The following NSMCE2 variants were observed in gnomAD, a reference collection of about 807,000 sequenced individuals.
NSMCE2 encodes E3 SUMO-protein ligase NSE2.
NSMCE2 carries 24 observed loss-of-function variants against 23.8 expected under a neutral mutation model. That is an observed-to-expected ratio of 1.01 (90% CI 0.73 to 1.42). The LOEUF (loss-of-function observed/expected upper bound fraction) is 1.42, where lower values mean the gene tolerates loss of function less well. Ranked by LOEUF, NSMCE2 falls within the 40% of genes most tolerant of loss-of-function variation. The pLI is 0.00. For synonymous variants in NSMCE2, 92 were observed against 94.1 expected, an observed-to-expected ratio of 0.98 and a Z score of 0.13; for missense variants, 284 against 296.5, an observed-to-expected ratio of 0.96 and a Z score of 0.31.
At chr8:125,166,836 C>G (rs1821904331) in intron 4 of NSMCE2, among the ~76,000 whole-genome samples, 1 of 152,172 alleles carries the variant, frequency 6.6e-6, no homozygotes. Context: ...CATCTCCATT[C>G]TCCTCCGAAG....
chr8:125,127,721 T>C (rs185871712), intron 3 of NSMCE2, among the ~76,000 whole-genome samples: 2 of 152,252 alleles, frequency 1.3e-5, no homozygotes, highest in African/African-American at 2.4e-5. Context: ...TGAAACTTAA[T>C]AATACAGGTT....
At chr8:125,234,296 T>C (rs1450370832) in intron 5 of NSMCE2, among the ~76,000 whole-genome samples, 1 of 152,210 alleles carries the variant, frequency 6.6e-6, no homozygotes, top group East Asian at 1.9e-4. Flanking sequence ...TGAGAAGAAA[T>C]GAACAAATAC....
At chr8:125,155,675 G>A (rs993993699) in intron 4 of NSMCE2, among the ~76,000 whole-genome samples, 9 of 152,148 alleles carry the variant, frequency 5.9e-5, no homozygotes, top group Non-Finnish European at 2.9e-5. Context: ...TGGTAGTACT[G>A]TGTGTTTCTG....
chr8:125,351,437 A>C (rs1483624899), intron 5 of NSMCE2: 1 of 151,914 alleles, frequency 6.6e-6, no homozygotes. Flanking sequence ...GTTCTTGTGC[A>C]GGCTTCCTGC....
At chr8:125,166,261 T>TTTG (rs1051539375) in intron 4 of NSMCE2, among the ~76,000 whole-genome samples, 12 of 152,162 alleles carry the variant, frequency 7.9e-5, no homozygotes, top group East Asian at 3.9e-4. Context: ...CTAAATAGGT[T>TTTG]TTGTTGTTGT....
At chr8:125,240,130 CTTT>C (rs397687521) in intron 5 of NSMCE2, among the ~76,000 whole-genome samples, 1 of 144,194 alleles carries the variant, frequency 6.9e-6, no homozygotes, top group Non-Finnish European at 1.5e-5. Flanking sequence ...TTTTCTTTTT[CTTT>C]TTTTTTTTTT....
chr8:125,354,734 GA>G (rs1813181864), intron 5 of NSMCE2, among the ~76,000 whole-genome samples: 1 of 152,270 alleles, frequency 6.6e-6, no homozygotes, highest in African/African-American at 2.4e-5. Context: ...GACTCTCTAA[GA>G]AAAACAAAGT....
intron 5 of NSMCE2, among the ~76,000 whole-genome samples, chr8:125,317,189 C>T (rs150077580): frequency 4.0e-4 from 60 of 151,560 alleles, no homozygotes; most frequent in African/African-American, 1.4e-3. Context: ...TCAGTGGTTT[C>T]CTAAAGATCT....
At chr8:125,334,812 TCGCTCTGTCAC>T (rs1434407808) in intron 5 of NSMCE2, among the ~76,000 whole-genome samples, 23 of 122,978 alleles carry the variant, frequency 1.9e-4, no homozygotes, top group Admixed American at 6.4e-4. Flanking sequence ...AGACACAGTC[TCGCTCTGTCAC>T]CCAGGCTGGA....
intron 5 of NSMCE2, among the ~76,000 whole-genome samples, chr8:125,199,403 G>A (rs1823767451): frequency 6.6e-6 from 1 of 152,146 alleles, no homozygotes; most frequent in African/African-American, 2.4e-5. Context: ...TGGTTTCAAA[G>A]AACATCTTTA....
At chr8:125,175,348 G>A (rs1264966065) in intron 4 of NSMCE2, among the ~76,000 whole-genome samples, 1 of 152,148 alleles carries the variant, frequency 6.6e-6, no homozygotes, top group Non-Finnish European at 1.5e-5. Context: ...TAGCATGAAA[G>A]CAGTCCCATA....
At chr8:125,363,850 G>A (rs989520590) in intron 7 of NSMCE2, among the ~76,000 whole-genome samples, 1 of 152,112 alleles carries the variant, frequency 6.6e-6, no homozygotes, top group Non-Finnish European at 1.5e-5. Flanking sequence ...GCATACCTGG[G>A]CCAAATCACC....
At position 125,280,724 on chromosome 8, in the gene NSMCE2, A is replaced by C. The variant is rs151236231; in HGVS notation, c.419-76495A>C. The stretch of plus-strand genomic sequence containing the variant: ...TAGTTCTTTTGTTTGGGTCCCAGAC[A>C]GGAGAAAGCCTTTAAATGTCTATAG... On this transcript the variant is annotated intron_variant, in intron 5 of 7. Transcript: ENST00000287437. Among the ~76,000 whole-genome samples, 135 of 152,370 alleles carry C rather than the reference A, an allele frequency of 8.9e-4. 1 individual carries two copies. The highest frequency in any genetic ancestry group is 3.1e-3 in the African/African-American group (131 of 41,588).
At chr8:125,359,771 A>G (rs1159988349) in intron 7 of NSMCE2, among the ~76,000 whole-genome samples, 1 of 152,232 alleles carries the variant, frequency 6.6e-6, no homozygotes, top group African/African-American at 2.4e-5. Context: ...CAGTAAAATT[A>G]TCCCATCATC....
At chr8:125,222,293 A>T (rs1200570004) in intron 5 of NSMCE2, among the ~76,000 whole-genome samples, 1 of 152,164 alleles carries the variant, frequency 6.6e-6, no homozygotes. Flanking sequence ...GCGTGTTTTG[A>T]TATATGTATA....
intron 7 of NSMCE2, among the ~76,000 whole-genome samples, chr8:125,361,525 C>T (rs1331280484): frequency 2.0e-5 from 3 of 152,204 alleles, no homozygotes; most frequent in Non-Finnish European, 4.4e-5. Context: ...CACTTACCAA[C>T]AAGCCATTCA....
intron 5 of NSMCE2, among the ~76,000 whole-genome samples, chr8:125,245,424 G>A (rs1488095248): frequency 6.6e-6 from 1 of 152,074 alleles, no homozygotes; most frequent in African/African-American, 2.4e-5. Flanking sequence ...TATAACACAA[G>A]TCAAAGGCTA....
Position 125,151,195 on chromosome 8 carries a change from T to C in NSMCE2, c.182T>C (p.Met61Thr), listed in dbSNP as rs1396271988. Reference sequence around the variant, plus strand: ...GCTGAAGTGAGTAGTGAATATAGTATGGACAAGGCAATGGTTGAATTTGCT... The same window carrying C: ...GCTGAAGTGAGTAGTGAATATAGTACGGACAAGGCAATGGTTGAATTTGCT... ...SQTEVSSEYS[M>T]DKAMVEFATL... The change falls in exon 4 of 8, where the codon ATG becomes ACG. Residue 61 changes from methionine (M) to threonine (T), a missense_variant. By Grantham distance (81) the Met-to-Thr change is moderately conservative (BLOSUM62 -1). Coordinates refer to ENST00000287437, the MANE Select transcript of NSMCE2 (RefSeq NM_173685.4). The C allele has an allele frequency of 6.2e-7, 1 of 1,604,384 alleles. No homozygotes were observed. The highest frequency in any genetic ancestry group is 1.7e-4 in the Middle Eastern group (1 of 6,034).
intron 5 of NSMCE2, among the ~76,000 whole-genome samples, chr8:125,210,896 T>C (rs180976372): frequency 6.6e-6 from 1 of 151,950 alleles, no homozygotes; most frequent in East Asian, 1.9e-4. Context: ...GCCCGGCTAA[T>C]TTTTTTTGTA....
Sources: gnomAD v4.1 joint callset for allele counts (sites outside exome capture counted in the v4.1 genomes callset) on GRCh38, gnomAD v4.1.1 for gene constraint, MANE v1.5 for transcripts, NCBI Gene and HGNC (gene_info 2026-07-23, HGNC 2026-07-21) for gene names.